Variants in VPS13C observed in about 807,000 individuals in gnomAD.
VPS13C encodes vacuolar protein sorting 13 homolog C, also known as intermembrane lipid transfer protein VPS13C.
In VPS13C, 358 loss-of-function variants were observed where a neutral mutation model predicts 456.8. The ratio of observed to expected loss-of-function variants is 0.78; its 90% CI spans 0.72 to 0.86. VPS13C has a LOEUF of 0.86. Ranked by LOEUF, VPS13C falls within the 40% of genes least tolerant of loss-of-function variation. VPS13C has a pLI of 0.00. For synonymous variants in VPS13C, 1,578 were observed against 1,486.7 expected (o/e 1.06, Z -1.41); for missense variants, 4,818 against 4,385.4 (o/e 1.10, Z -2.79).
chr15:61,856,479 C>G (rs1185238342), intron 82 of VPS13C, 70 bp from the exon 83 acceptor site: 1 of 1,570,482 alleles, frequency 6.4e-7, no homozygotes, highest in Non-Finnish European at 8.6e-7. Context: ...AATATTTCAC[C>G]CTACTGGATG....
chr15:62,059,015 G>A (rs1427554473), intron 1 of VPS13C, among the ~76,000 whole-genome samples: 1 of 151,000 alleles, frequency 6.6e-6, no homozygotes, highest in Non-Finnish European at 1.5e-5. Context: ...TTCCATATAC[G>A]TAATTATAAA....
At chr15:62,012,677 A>G (rs1382350550) in intron 11 of VPS13C, among the ~76,000 whole-genome samples, 1 of 151,972 alleles carries the variant, frequency 6.6e-6, no homozygotes, top group Non-Finnish European at 1.5e-5. Flanking sequence ...TGTCAAAGAT[A>G]CATGCTTTAT....
At chr15:62,035,461 C>A (rs1016691493) in intron 3 of VPS13C, among the ~76,000 whole-genome samples, 2 of 151,834 alleles carry the variant, frequency 1.3e-5, no homozygotes, top group Middle Eastern at 3.2e-3. Flanking sequence ...CGGTGCACAA[C>A]AACAGTTGAT....
intron 66 of VPS13C, among the ~76,000 whole-genome samples, chr15:61,890,740 G>A (rs889738522): frequency 4.6e-5 from 7 of 152,098 alleles, no homozygotes; most frequent in South Asian, 2.1e-4. Context: ...AGAATGGTTC[G>A]GAAGTTTATT....
intron 60 of VPS13C, among the ~76,000 whole-genome samples, chr15:61,916,225 C>G (rs959455899): frequency 6.6e-6 from 1 of 152,164 alleles, no homozygotes; most frequent in Admixed American, 6.5e-5. Flanking sequence ...CAGGCAGAAA[C>G]TGACTTTGGC....
chr15:62,005,501 C>A (rs1329263392), intron 15 of VPS13C, among the ~76,000 whole-genome samples: 1 of 151,860 alleles, frequency 6.6e-6, no homozygotes, highest in South Asian at 2.1e-4. Context: ...TTAATTGGAG[C>A]ATTTAGTCCA....
At chr15:62,057,026 G>A (rs1010224674) in intron 1 of VPS13C, among the ~76,000 whole-genome samples, 4 of 152,076 alleles carry the variant, frequency 2.6e-5, no homozygotes, top group Non-Finnish European at 5.9e-5. Context: ...GCGCATTGGT[G>A]GTAGCGGTCC....
At position 61,969,294 on chromosome 15, in the gene VPS13C, A is replaced by G. The variant is rs570289214; in HGVS notation, c.2911+5T>C. 3 of 1,580,038 alleles carry G rather than the reference A, an allele frequency of 1.9e-6. No individual in the cohort carries two copies. The highest frequency in any genetic ancestry group is 1.2e-5 in the South Asian group (1 of 85,700). On this transcript the variant is annotated splice_donor_5th_base_variant and intron_variant, in intron 28 of 84. Coordinates refer to ENST00000644861, the MANE Select transcript of VPS13C (RefSeq NM_020821.3). ...GGCTATTATTTCTATTTTTATGGGT[A>G]TTACCTTCAATTTCATGATAATCCA...
intron 1 of VPS13C, among the ~76,000 whole-genome samples, chr15:62,059,357 T>C (rs2140829884): frequency 6.6e-6 from 1 of 152,272 alleles, no homozygotes; most frequent in Non-Finnish European, 1.5e-5. Flanking sequence ...TACATTTGAG[T>C]CGTTTTTTGA....
At chr15:62,001,788 G>T (rs369955089) in intron 15 of VPS13C, among the ~76,000 whole-genome samples, 3 of 152,092 alleles carry the variant, frequency 2.0e-5, no homozygotes, top group Admixed American at 6.5e-5. Context: ...TTGTTCTTGC[G>T]ATAGTTTACT....
At chr15:61,927,502 G>C in intron 51 of VPS13C, 182 bp from the exon 52 acceptor site, 1 of 577,064 alleles carries the variant, frequency 1.7e-6, no homozygotes, top group Non-Finnish European at 3.0e-6. Context: ...TGCAGATTGA[G>C]CAAGATAAGG....
intron 62 of VPS13C, among the ~76,000 whole-genome samples, chr15:61,912,787 C>A (rs1259441570): frequency 9.8e-6 from 1 of 102,086 alleles, no homozygotes. Context: ...TGCTATCCCT[C>A]CCCCCTCCCC....
chr15:61,984,074 A>G, intron 19 of VPS13C, 62 bp from the exon 20 acceptor site: 1 of 1,488,170 alleles, frequency 6.7e-7, no homozygotes, highest in Non-Finnish European at 9.1e-7. Flanking sequence ...TAATGGACTA[A>G]AATACAAATT....
chr15:61,966,648 C>T (rs1408953904), intron 29 of VPS13C, among the ~76,000 whole-genome samples: 1 of 151,948 alleles, frequency 6.6e-6, no homozygotes, highest in Non-Finnish European at 1.5e-5. Flanking sequence ...CAAATTCAAA[C>T]TCAAAGATTT....
At chr15:62,032,511 GA>G (rs1241906462) in intron 5 of VPS13C, among the ~76,000 whole-genome samples, 1 of 151,378 alleles carries the variant, frequency 6.6e-6, no homozygotes, top group Admixed American at 6.6e-5. Flanking sequence ...TTCTGCATAA[GA>G]AAAAATACTT....
intron 26 of VPS13C, 130 bp from the exon 27 acceptor site, chr15:61,972,894 G>T: frequency 2.0e-6 from 2 of 1,009,376 alleles, no homozygotes; most frequent in Non-Finnish European, 2.8e-6. Flanking sequence ...CATCAGAATA[G>T]CTGCCTTTTT....
intron 1 of VPS13C, among the ~76,000 whole-genome samples, chr15:62,059,197 T>C (rs2048905380): frequency 6.6e-6 from 1 of 152,248 alleles, no homozygotes; most frequent in Admixed American, 6.5e-5. Context: ...GAGTAATGCT[T>C]ATTCAAAACG....
At chr15:62,004,284 C>T (rs12439491) in intron 15 of VPS13C, among the ~76,000 whole-genome samples, 49,355 of 150,856 alleles carry the variant, frequency 0.33, 9,511 homozygotes, top group Non-Finnish European at 0.42. Context: ...TCCATTTCTT[C>T]TAGATTTTCT....
In VPS13C at chr15:61,951,879, G is replaced by A. The variant is rs2044808079; in HGVS notation, c.4401C>T (p.Asp1467=). 2.5e-6 allele frequency: 4 copies of A among 1,613,790 alleles called. No individual in the cohort carries two copies. Among genetic ancestry groups the A allele is most frequent in the Middle Eastern group, 1.7e-4 (1 of 6,052 alleles). ...TTTTTAGATAAGCTTTAGCAGTCAT[G>A]TCATAGGTTTTAACTTTAGCTTCCA... ...LGMEAKVKTY[D]MTAKAYLKKI... is the part of the protein sequence containing the mutation. The change falls in exon 39 of 85, where the codon GAC becomes GAT. Residue 1467 remains aspartate, a synonymous_variant. Transcript: ENST00000644861.
Sources: gnomAD v4.1 joint callset for allele counts (sites outside exome capture counted in the v4.1 genomes callset) on GRCh38, gnomAD v4.1.1 for gene constraint, MANE v1.5 for transcripts, NCBI Gene and HGNC (gene_info 2026-07-23, HGNC 2026-07-21) for gene names.